Variants in AKR1B10 observed in about 807,000 individuals in gnomAD.
The protein encoded by AKR1B10 is aldo-keto reductase family 1 member B10.
In AKR1B10, 39 loss-of-function variants were observed where a neutral mutation model predicts 38.9. The ratio of observed to expected loss-of-function variants is 1.00; its 90% CI spans 0.78 to 1.31. The LOEUF is 1.31. Ranked by LOEUF, AKR1B10 falls within the 50% of genes most tolerant of loss-of-function variation. The probability of loss-of-function intolerance (pLI) is 0.00; values close to 1 mark genes in which losing one functional copy is unlikely to be tolerated. For synonymous variants in AKR1B10, 148 were observed against 141.2 expected, an observed-to-expected ratio of 1.05 and a Z score of -0.34; for missense variants, 361 against 382.6, an observed-to-expected ratio of 0.94 and a Z score of 0.47.
At chr7:134,532,082 G>C in intron 3 of AKR1B10, 58 bp downstream of exon 3, 5 of 1,596,864 alleles carry the variant, frequency 3.1e-6, no homozygotes, top group Non-Finnish European at 4.3e-6. Flanking sequence ...GAAAATAGTA[G>C]CTGCACCAGG....
intron 3 of AKR1B10, among the ~76,000 whole-genome samples, chr7:134,532,348 C>T (rs1175151727): frequency 2.6e-5 from 4 of 152,144 alleles, no homozygotes; most frequent in African/African-American, 7.2e-5. Context: ...GTTGCCCTCC[C>T]AGGAAATCTC....
intron 7 of AKR1B10, among the ~76,000 whole-genome samples, 171 bp downstream of exon 7, chr7:134,537,832 T>C (rs532788307): frequency 1.3e-5 from 2 of 152,192 alleles, no homozygotes; most frequent in Non-Finnish European, 2.9e-5. Flanking sequence ...ACAAGAGCTG[T>C]CACTGAAGCA....
chr7:134,532,915 T>G, intron 3 of AKR1B10, 89 bp from the exon 4 acceptor site: 1 of 1,108,140 alleles, frequency 9.0e-7, no homozygotes. Context: ...GATGTGGTAT[T>G]TAGCAAGAGT....
chr7:134,540,736 CT>C (rs1253091391), intron 9 of AKR1B10, among the ~76,000 whole-genome samples: 1 of 152,194 alleles, frequency 6.6e-6, no homozygotes, highest in African/African-American at 2.4e-5. Flanking sequence ...TTGTTTCCTA[CT>C]TCATGATGTT....
intron 4 of AKR1B10, among the ~76,000 whole-genome samples, chr7:134,535,044 T>C (rs1471846776): frequency 6.6e-6 from 1 of 152,056 alleles, no homozygotes; most frequent in East Asian, 1.9e-4. Flanking sequence ...TGGAGTACAA[T>C]GGCATCATCA....
intron 9 of AKR1B10, among the ~76,000 whole-genome samples, chr7:134,539,305 C>A (rs755581508): frequency 9.2e-5 from 14 of 152,110 alleles, no homozygotes; most frequent in Non-Finnish European, 1.6e-4. Context: ...CAATCAATAT[C>A]TCACGGTCAT....
intron 4 of AKR1B10, among the ~76,000 whole-genome samples, chr7:134,535,462 T>A (rs1807968946): frequency 6.6e-6 from 1 of 152,056 alleles, no homozygotes; most frequent in South Asian, 2.1e-4. Flanking sequence ...TGATTCCAAA[T>A]TGCAGCCAAA....
At chr7:134,528,749 G>GAGAA (rs991069132) in intron 1 of AKR1B10, among the ~76,000 whole-genome samples, 1 of 151,842 alleles carries the variant, frequency 6.6e-6, no homozygotes, top group Non-Finnish European at 1.5e-5. Flanking sequence ...AAGAGAGAGA[G>GAGAA]AGAAAGAAAG....
At chr7:134,529,918 C>T (rs775524993) in intron 1 of AKR1B10, among the ~76,000 whole-genome samples, 14 of 151,758 alleles carry the variant, frequency 9.2e-5, no homozygotes, top group Non-Finnish European at 1.8e-4. Context: ...TTTTCTGAAA[C>T]GATCATTGTA....
At chr7:134,539,147 A>T (rs1412426124) in intron 9 of AKR1B10, 130 bp downstream of exon 9, 3 of 1,109,546 alleles carry the variant, frequency 2.7e-6, no homozygotes, top group Middle Eastern at 2.0e-4. Context: ...CAATTTTGAA[A>T]GTTAAAATTG....
At chr7:134,539,877 A>G (rs868815361) in intron 9 of AKR1B10, among the ~76,000 whole-genome samples, 10 of 152,234 alleles carry the variant, frequency 6.6e-5, no homozygotes, top group Admixed American at 3.9e-4. Context: ...CTGTAATTCA[A>G]TGAGGATTTG....
Position 134,531,918 on chromosome 7 carries a change from C to T in AKR1B10, c.245C>T (p.Thr82Ile). The change falls in exon 3 of 10, where the codon ACT becomes ATT. Residue 82 changes from threonine (T) to isoleucine (I), a missense_variant. Coordinates refer to ENST00000359579, the MANE Select transcript of AKR1B10 (RefSeq NM_020299.5). ...CTACACTCTTTGCAGTTGTGGCCCA[C>T]TTTCTTTGAGAGACCCCTTGTGAGG... ...DLFIVSKLWP[T>I]FFERPLVRKA... is the part of the protein sequence containing the mutation. The T allele has an allele frequency of 6.2e-7, 1 of 1,614,098 alleles. No homozygotes were observed. Among genetic ancestry groups the T allele is most frequent in the East Asian group, 2.2e-5 (1 of 44,876 alleles).
chr7:134,533,544 C>T (rs1807922269), intron 4 of AKR1B10, among the ~76,000 whole-genome samples: 1 of 152,134 alleles, frequency 6.6e-6, no homozygotes. Context: ...AGTCATAAAG[C>T]CCATTTAACC....
chr7:134,530,542 G>A (rs554655472), intron 1 of AKR1B10, 101 bp from the exon 2 acceptor site: 27 of 1,307,052 alleles, frequency 2.1e-5, no homozygotes, highest in Non-Finnish European at 2.9e-5. Flanking sequence ...AGGTGGGAGG[G>A]TTGCTTGAAC....
intron 9 of AKR1B10, among the ~76,000 whole-genome samples, chr7:134,539,310 G>T (rs886567085): frequency 6.6e-6 from 1 of 152,026 alleles, no homozygotes; most frequent in Non-Finnish European, 1.5e-5. Context: ...AATATCTCAC[G>T]GTCATCTATG....
At chr7:134,530,205 C>A (rs2117535931) in intron 1 of AKR1B10, among the ~76,000 whole-genome samples, 1 of 152,286 alleles carries the variant, frequency 6.6e-6, no homozygotes, top group East Asian at 1.9e-4. Flanking sequence ...TAGAGTCAAG[C>A]TTTCATCTGG....
Position 134,530,803 on chromosome 7 carries a change from T to C in AKR1B10, c.227T>C (p.Val76Ala). ...GTGAAGCGGGAGGACCTGTTCATCG[T>C]CAGCAAGGTGCAATGGTGCATTTGG... is the stretch of plus-strand genomic sequence containing the variant. ...KAVKREDLFI[V>A]SKLWPTFFER... Residue 76 changes from valine to alanine, a missense_variant, in exon 2 of 10, where the codon GTC becomes GCC. Transcript: ENST00000359579. 5.0e-6 allele frequency: 8 copies of C among 1,611,634 alleles called. No homozygotes were observed. Among genetic ancestry groups the C allele is most frequent in the Non-Finnish European group, 6.8e-6 (8 of 1,178,730 alleles).
At chr7:134,528,739 AAGAG>A (rs1016524155) in intron 1 of AKR1B10, among the ~76,000 whole-genome samples, 11 of 139,096 alleles carry the variant, frequency 7.9e-5, no homozygotes, top group East Asian at 4.4e-4. Context: ...GAAAGAGAGA[AAGAG>A]AGAGAGAGAA....
intron 9 of AKR1B10, among the ~76,000 whole-genome samples, chr7:134,540,065 A>G (rs1562932610): frequency 6.6e-6 from 1 of 151,980 alleles, no homozygotes; most frequent in Non-Finnish European, 1.5e-5. Context: ...GTCTCTACCA[A>G]AAATTAGCTG....
Sources: gnomAD v4.1 joint callset for allele counts (sites outside exome capture counted in the v4.1 genomes callset) on GRCh38, gnomAD v4.1.1 for gene constraint, MANE v1.5 for transcripts, NCBI Gene and HGNC (gene_info 2026-07-23, HGNC 2026-07-21) for gene names.